CEP162: variants seen among roughly 807,000 people sequenced by gnomAD.
CEP162 encodes the protein centrosomal protein 162.
In CEP162, 141 loss-of-function variants were observed where a neutral mutation model predicts 169.2. The ratio of observed to expected loss-of-function variants is 0.83; its 90% CI spans 0.73 to 0.96. The LOEUF (loss-of-function observed/expected upper bound fraction) is 0.96, where lower values mean the gene tolerates loss of function less well. Ranked by LOEUF, CEP162 falls within the 40% of genes least tolerant of loss-of-function variation. CEP162 has a pLI of 0.00. For missense variants in CEP162, 1,600 were observed against 1,587.2 expected, an observed-to-expected ratio of 1.01 and a Z score of -0.14; for synonymous variants, 540 against 526.4, an observed-to-expected ratio of 1.03 and a Z score of -0.35.
chr6:84,196,854 G>A (rs1022322040), intron 9 of CEP162, among the ~76,000 whole-genome samples: 1 of 152,188 alleles, frequency 6.6e-6, no homozygotes, highest in African/African-American at 2.4e-5. Flanking sequence ...ATGGCTACAT[G>A]AAGTATATCC....
intron 8 of CEP162, among the ~76,000 whole-genome samples, chr6:84,201,283 CAACAAACAAACA>C (rs143611774): frequency 4.0e-5 from 6 of 151,256 alleles, no homozygotes; most frequent in African/African-American, 9.8e-5. Context: ...GTCTCACAAA[CAACAAACAAACA>C]AACAAACAAA....
At chr6:84,179,523 T>C (rs979348565) in intron 13 of CEP162, among the ~76,000 whole-genome samples, 1 of 152,192 alleles carries the variant, frequency 6.6e-6, no homozygotes, top group Non-Finnish European at 1.5e-5. Flanking sequence ...GGGGTTGTTT[T>C]TTTTCTTGTA....
chr6:84,210,708 T>C (rs146176226), intron 6 of CEP162, among the ~76,000 whole-genome samples: 1 of 152,268 alleles, frequency 6.6e-6, no homozygotes, highest in Non-Finnish European at 1.5e-5. Flanking sequence ...ATGCATAAAA[T>C]GAGCCAAGAA....
intron 25 of CEP162, among the ~76,000 whole-genome samples, chr6:84,130,676 G>A (rs1334196348): frequency 1.3e-5 from 2 of 151,980 alleles, no homozygotes; most frequent in African/African-American, 2.4e-5. Flanking sequence ...TCATGGTAGT[G>A]TGTATTTCTG....
intron 26 of CEP162, 53 bp downstream of exon 26, chr6:84,126,325 A>T: frequency 7.5e-7 from 1 of 1,340,796 alleles, no homozygotes. Context: ...TAGCAAATTA[A>T]AGGCACTTAA....
chr6:84,168,194 C>T (rs1208246729), intron 18 of CEP162, among the ~76,000 whole-genome samples: 1 of 152,084 alleles, frequency 6.6e-6, no homozygotes, highest in East Asian at 1.9e-4. Flanking sequence ...TTTGTTCCCC[C>T]AAGCCTTCAT....
At chr6:84,168,040 T>A (rs1181087835) in intron 18 of CEP162, among the ~76,000 whole-genome samples, 1 of 152,062 alleles carries the variant, frequency 6.6e-6, no homozygotes, top group Non-Finnish European at 1.5e-5. Flanking sequence ...AGATATTTAT[T>A]ATATTTTTTT....
intron 11 of CEP162, among the ~76,000 whole-genome samples, chr6:84,191,386 AT>A (rs1203516190): frequency 6.6e-6 from 1 of 152,178 alleles, no homozygotes; most frequent in Non-Finnish European, 1.5e-5. Flanking sequence ...TCTTAATAGA[AT>A]AATAACCTAA....
At chr6:84,137,242 G>T (rs1301100952) in intron 25 of CEP162, among the ~76,000 whole-genome samples, 4 of 152,138 alleles carry the variant, frequency 2.6e-5, no homozygotes, top group Non-Finnish European at 5.9e-5. Context: ...CTGTTTCCTG[G>T]CCTGTATCCA....
chr6:84,186,561 T>A lies in CEP162; in HGVS notation c.1172A>T (p.Asn391Ile), dbSNP rs770708271. Residue 391 changes from asparagine to isoleucine, a missense_variant, in exon 12 of 27, where the codon AAC (asparagine) becomes ATC (isoleucine). Transcript: ENST00000403245. The stretch of plus-strand genomic sequence containing the variant: ...TGAGTCTTGAGACAAAATATTTGGG[T>A]TCATCTTCAGGGGTAAAGAGCTAAA... Reference protein sequence around the residue: ...EFFSSLPLKMNPNILSQDSQH... With the variant: ...EFFSSLPLKMIPNILSQDSQH... 6 of 1,612,420 alleles carry A rather than the reference T, an allele frequency of 3.7e-6. No homozygotes were observed. The highest frequency in any genetic ancestry group is 5.1e-6 in the Non-Finnish European group (6 of 1,179,246).
chr6:84,166,486 A>G (rs1445929115), intron 18 of CEP162, among the ~76,000 whole-genome samples: 1 of 152,128 alleles, frequency 6.6e-6, no homozygotes, highest in Non-Finnish European at 1.5e-5. Flanking sequence ...TCTACCTGTA[A>G]TTATTCACTT....
chr6:84,137,704 T>A (rs528836362), intron 25 of CEP162, among the ~76,000 whole-genome samples: 1 of 152,088 alleles, frequency 6.6e-6, no homozygotes, highest in African/African-American at 2.4e-5. Context: ...TGTGAAGAAA[T>A]AAATGAACTG....
At chr6:84,171,114 T>G (rs2099529947) in intron 17 of CEP162, among the ~76,000 whole-genome samples, 1 of 152,162 alleles carries the variant, frequency 6.6e-6, no homozygotes, top group Non-Finnish European at 1.5e-5. Context: ...TACCTCACCG[T>G]TCCTGCTTCC....
intron 25 of CEP162, 120 bp downstream of exon 25, chr6:84,146,567 T>C: frequency 4.0e-6 from 2 of 497,452 alleles, no homozygotes; most frequent in Non-Finnish European, 7.1e-6. Flanking sequence ...AATATTTTCT[T>C]GACGTGATAC....
chr6:84,146,794 T>G lies in CEP162; in HGVS notation c.3772-9A>C, dbSNP rs770076768. The G allele has an allele frequency of 1.4e-6, 2 of 1,406,248 alleles. No homozygotes were observed. Among genetic ancestry groups the G allele is most frequent in the Non-Finnish European group, 9.8e-7 (1 of 1,018,388 alleles). 87.1% of individuals were successfully genotyped at this position (1,406,248 alleles called of 1,614,324 possible). ...AAATGTCTTATAAGTACCTAGGAAA[T>G]TGTTAGAAGTGCTGAGTTAATAAAG... On this transcript the variant is annotated splice_polypyrimidine_tract_variant and intron_variant, in intron 24 of 26. Coordinates refer to ENST00000403245, the MANE Select transcript of CEP162 (RefSeq NM_014895.4).
chr6:84,212,518 A>T (rs1387073544), intron 6 of CEP162, among the ~76,000 whole-genome samples: 67 of 152,244 alleles, frequency 4.4e-4, no homozygotes, highest in Non-Finnish European at 3.5e-4. Context: ...TAGGGCAACT[A>T]AGAAAAAAAT....
At chr6:84,193,573 T>C (rs1286491718) in intron 11 of CEP162, 36 bp downstream of exon 11, 1 of 1,299,558 alleles carries the variant, frequency 7.7e-7, no homozygotes, top group Admixed American at 2.1e-5. Flanking sequence ...ACTATAAAAG[T>C]TTCCAATGAC....
chr6:84,150,504 G>C (rs2099520697), intron 23 of CEP162, among the ~76,000 whole-genome samples: 1 of 152,046 alleles, frequency 6.6e-6, no homozygotes, highest in African/African-American at 2.4e-5. Context: ...CATGGAAACA[G>C]TGTGAGTAGG....
intron 3 of CEP162, among the ~76,000 whole-genome samples, chr6:84,220,331 A>G (rs2099553194): frequency 6.6e-6 from 1 of 152,228 alleles, no homozygotes; most frequent in Admixed American, 6.5e-5. Flanking sequence ...TATCATGTAT[A>G]GTAAACCTAT....
Sources: allele counts gnomAD v4.1 joint callset (sites outside exome capture counted in the v4.1 genomes callset), GRCh38; gene constraint gnomAD v4.1.1; transcripts MANE v1.5; gene names NCBI Gene and HGNC (gene_info 2026-07-23, HGNC 2026-07-21).